Variants in TMEFF1 observed in about 807,000 individuals in gnomAD.
TMEFF1 encodes the protein transmembrane protein with EGF like and two follistatin like domains 1, also known as tomoregulin-1.
Under a neutral mutation model 47.5 loss-of-function variants are expected in TMEFF1, and 20 were observed. That is an observed-to-expected ratio of 0.42 (90% CI 0.30 to 0.61). TMEFF1 has a LOEUF of 0.61. TMEFF1 is among the 20% of genes least tolerant of loss of function. The probability of loss-of-function intolerance (pLI) is 0.19; values close to 1 mark genes in which losing one functional copy is unlikely to be tolerated. For synonymous variants in TMEFF1, 162 were observed against 166.3 expected (o/e 0.97, Z 0.20); for missense variants, 411 against 471.1 (o/e 0.87, Z 1.18).
chr9:100,481,177 G>A (rs752247413), intron 1 of TMEFF1, among the ~76,000 whole-genome samples: 4 of 152,004 alleles, frequency 2.6e-5, no homozygotes, highest in African/African-American at 9.7e-5. Flanking sequence ...ATCTTCCTTC[G>A]TGCTTTTTCT....
intron 8 of TMEFF1, among the ~76,000 whole-genome samples, chr9:100,564,076 C>G (rs1049494781): frequency 6.6e-6 from 1 of 151,966 alleles, no homozygotes; most frequent in Non-Finnish European, 1.5e-5. Context: ...ACTGATTTTT[C>G]GTTTTGTTTT....
chr9:100,562,978 C>T (rs555266813), intron 8 of TMEFF1, among the ~76,000 whole-genome samples: 1 of 152,176 alleles, frequency 6.6e-6, no homozygotes, highest in South Asian at 2.1e-4. Context: ...CCACCATGCC[C>T]AGCTAATTTT....
At chr9:100,500,632 C>A (rs913942075) in intron 2 of TMEFF1, among the ~76,000 whole-genome samples, 15 of 152,192 alleles carry the variant, frequency 9.9e-5, no homozygotes, top group Non-Finnish European at 2.1e-4. Context: ...GCATATTTTC[C>A]TTGAGCATAG....
intron 1 of TMEFF1, among the ~76,000 whole-genome samples, chr9:100,486,047 T>C (rs1837441795): frequency 6.6e-6 from 1 of 152,088 alleles, no homozygotes; most frequent in African/African-American, 2.4e-5. Flanking sequence ...CTCTTTTTTT[T>C]TTTTTGCAAA....
intron 7 of TMEFF1, among the ~76,000 whole-genome samples, 200 bp from the exon 8 acceptor site, chr9:100,561,197 A>C (rs1445388213): frequency 6.6e-6 from 1 of 152,200 alleles, no homozygotes; most frequent in Non-Finnish European, 1.5e-5. Context: ...TAAACAGTTT[A>C]CCTGCTGTGT....
intron 5 of TMEFF1, chr9:100,518,482 G>A: frequency 1.0e-6 from 1 of 985,456 alleles, no homozygotes; most frequent in Non-Finnish European, 1.2e-6. Context: ...ATAGTAAGGA[G>A]CATGCAGGCT....
In TMEFF1 at chr9:100,503,208, A is replaced by G. The variant is rs567400565; in HGVS notation, c.306+4334A>G. Among the ~76,000 whole-genome samples, 3 of 151,874 alleles carry G rather than the reference A, an allele frequency of 2.0e-5. No individual in the cohort carries two copies. In the East Asian group the frequency reaches 5.8e-4, roughly 29 times the overall value. On this transcript the variant is annotated intron_variant, in intron 2 of 9. Transcript: ENST00000374879. Reference sequence around the variant, plus strand: ...GCTTTCTGGGACATTATTTAAATACATTTTAACAGATAACAGGATTTTAAA... The same window carrying G: ...GCTTTCTGGGACATTATTTAAATACGTTTTAACAGATAACAGGATTTTAAA...
intron 2 of TMEFF1, among the ~76,000 whole-genome samples, chr9:100,504,145 C>T (rs1427313655): frequency 6.6e-6 from 1 of 152,180 alleles, no homozygotes; most frequent in Admixed American, 6.5e-5. Flanking sequence ...TTCTTCCTCC[C>T]AACAAGGGTG....
intron 4 of TMEFF1, among the ~76,000 whole-genome samples, chr9:100,515,090 C>T (rs978520151): frequency 2.0e-5 from 3 of 152,070 alleles, no homozygotes; most frequent in Admixed American, 6.6e-5. Context: ...TGCTTGAGCC[C>T]AGGAGGTTGA....
Position 100,473,848 on chromosome 9 carries a change from A to G in TMEFF1, c.196+108A>G. 7.7e-7 allele frequency: 1 copy of G among 1,301,020 alleles called. No individual in the cohort carries two copies. Among genetic ancestry groups the G allele is most frequent in the Non-Finnish European group, 1.0e-6 (1 of 1,002,452 alleles). The allele number at this position is 1,301,020 out of a possible 1,614,324, so 80.6% of individuals were successfully genotyped here. A position where few individuals can be genotyped will look rare whatever the true frequency, so the allele number is the denominator to read the frequency against. On this transcript the variant is annotated intron_variant, in intron 1 of 9. Coordinates refer to ENST00000374879, the MANE Select transcript of TMEFF1 (RefSeq NM_003692.5). This position sits in a 1 kb window ranked among gnomAD's most constrained non-coding sequence, Gnocchi z 5.4. ...GGAAAGACCCCGTCGTGGGGGTCCC[A>G]GGGGTGGGCCCGAGGGTGAGCGAGG... is the stretch of plus-strand genomic sequence containing the variant.
chr9:100,524,677 TA>T (rs201158233), intron 5 of TMEFF1, among the ~76,000 whole-genome samples: 2,674 of 152,292 alleles, frequency 0.018, 72 homozygotes, highest in African/African-American at 0.06. Context: ...GTATGTCAAT[TA>T]ACTGAGTGGG....
chr9:100,497,915 T>C (rs1486676272), intron 1 of TMEFF1, among the ~76,000 whole-genome samples: 2 of 143,756 alleles, frequency 1.4e-5, no homozygotes, highest in South Asian at 2.2e-4. Context: ...ACTGGGATGG[T>C]TTTTTTTTTT....
intron 5 of TMEFF1, among the ~76,000 whole-genome samples, chr9:100,535,825 T>G (rs1401367357): frequency 6.6e-6 from 1 of 152,168 alleles, no homozygotes; most frequent in Non-Finnish European, 1.5e-5. Context: ...CTTTACCAGA[T>G]TGCTCTTTGA....
At chr9:100,565,085 G>A (rs956069739) in intron 8 of TMEFF1, among the ~76,000 whole-genome samples, 1 of 152,148 alleles carries the variant, frequency 6.6e-6, no homozygotes, top group African/African-American at 2.4e-5. Flanking sequence ...TAAGATGCCT[G>A]TGGGATATCC....
At chr9:100,551,282 C>A (rs1366616955) in intron 7 of TMEFF1, among the ~76,000 whole-genome samples, 1 of 152,210 alleles carries the variant, frequency 6.6e-6, no homozygotes, top group Non-Finnish European at 1.5e-5. Context: ...ATCGGATATA[C>A]TTGTAAGTGT....
chr9:100,505,132 G>T (rs1327347857), intron 2 of TMEFF1, among the ~76,000 whole-genome samples: 1 of 152,160 alleles, frequency 6.6e-6, no homozygotes, highest in South Asian at 2.1e-4. Context: ...ATTAAAAGCA[G>T]GTCGGGCGCG....
intron 1 of TMEFF1, among the ~76,000 whole-genome samples, chr9:100,486,039 C>CTT (rs71498744): frequency 9.2e-5 from 13 of 140,552 alleles, no homozygotes; most frequent in Non-Finnish European, 1.6e-4. Context: ...TTCTCTCTCT[C>CTT]TTTTTTTTTT....
chr9:100,556,920 A>G (rs1294306826), intron 7 of TMEFF1, among the ~76,000 whole-genome samples: 1 of 151,800 alleles, frequency 6.6e-6, no homozygotes, highest in Non-Finnish European at 1.5e-5. Context: ...ATCTCAGCTC[A>G]CTGCAACCTT....
At chr9:100,562,186 T>C (rs1486991420) in intron 8 of TMEFF1, among the ~76,000 whole-genome samples, 1 of 152,152 alleles carries the variant, frequency 6.6e-6, no homozygotes, top group Non-Finnish European at 1.5e-5. Flanking sequence ...CAGGTGATGT[T>C]TCTATAGACA....
Sources: gnomAD v4.1 joint callset for allele counts (sites outside exome capture counted in the v4.1 genomes callset) on GRCh38, gnomAD v4.1.1 for gene constraint, Gnocchi (gnomAD v3.1) non-coding constraint, MANE v1.5 for transcripts, NCBI Gene and HGNC (gene_info 2026-07-23, HGNC 2026-07-21) for gene names.